SPATC1L: variants seen among roughly 807,000 people sequenced by gnomAD.
SPATC1L encodes the protein spermatogenesis and centriole associated 1 like.
A neutral mutation model predicts 21.2 loss-of-function variants in SPATC1L; 20 were observed. The observed-to-expected ratio is 0.94, with a 90% CI of 0.66 to 1.37. The LOEUF is 1.37. Ranked by LOEUF, SPATC1L falls within the 40% of genes most tolerant of loss-of-function variation. The pLI is 0.00. For synonymous variants in SPATC1L, 290 were observed against 234.5 expected (o/e 1.24, Z -2.16); for missense variants, 499 against 478.7 (o/e 1.04, Z -0.40).
chr21:46,175,534 A>G (rs1388477406), intron 2 of SPATC1L, among the ~76,000 whole-genome samples: 2 of 152,238 alleles, frequency 1.3e-5, no homozygotes, highest in African/African-American at 4.8e-5. Context: ...GAAAACCTCT[A>G]TACACATAAA....
chr21:46,168,629 C>T lies in SPATC1L; in HGVS notation c.223G>A (p.Ala75Thr), dbSNP rs962373317. 7 of 1,409,940 alleles carry T rather than the reference C, an allele frequency of 5.0e-6. No homozygotes were observed. Among genetic ancestry groups the T allele is most frequent in the Admixed American group, 5.5e-5 (2 of 36,078 alleles). The allele number at this position is 1,409,940 out of a possible 1,614,324, so 87.3% of individuals were successfully genotyped here. A position where few individuals can be genotyped will look rare whatever the true frequency, so the allele number is the denominator to read the frequency against. ...GTCTGCAGTTGGGAGGGCGTGTCGG[C>T]AACACTCGTGAACCTTCCGAAATCT... ...VPDFGRFTSVADTPSQLQTSS... is the reference protein window; with the variant it reads ...VPDFGRFTSVTDTPSQLQTSS... The change falls in exon 3 of 5, where the codon GCC becomes ACC. Residue 75 changes from alanine to threonine, a missense_variant. By Grantham distance (58) the Ala-to-Thr change is moderately conservative (BLOSUM62 0). Transcript: ENST00000291672.
intron 3 of SPATC1L, among the ~76,000 whole-genome samples, chr21:46,168,022 G>T (rs780187147): frequency 2.0e-5 from 3 of 152,162 alleles, no homozygotes; most frequent in Admixed American, 1.3e-4. Flanking sequence ...TGGAGTGGGA[G>T]ACCGTATCTG....
chr21:46,169,348 G>A (rs1466364325), intron 2 of SPATC1L, among the ~76,000 whole-genome samples: 8 of 136,604 alleles, frequency 5.9e-5, no homozygotes, highest in African/African-American at 1.9e-4. Context: ...TCTGTGGATG[G>A]GGAGGAGCCC....
chr21:46,168,237 C>A, intron 3 of SPATC1L, 71 bp downstream of exon 3: 1 of 1,085,218 alleles, frequency 9.2e-7, no homozygotes, highest in East Asian at 2.6e-5. Context: ...CCTGACCACC[C>A]AGTCATGCCC....
chr21:46,167,279 G>A (rs1286098430), intron 3 of SPATC1L, among the ~76,000 whole-genome samples: 2 of 152,164 alleles, frequency 1.3e-5, no homozygotes, highest in Admixed American at 6.5e-5. Context: ...TTCAGCAAAA[G>A]CCATACTAAG....
In SPATC1L at chr21:46,161,455, AG is replaced by A; in HGVS notation, c.946del (p.Leu316TrpfsTer?). The part of the protein sequence containing the change: ...LVIDVVPPKF[L>X]GDSLLLLNCL... ...GTTGAGCAGCAGCAGCGAGTCGCCCAGGAACTTGGGGGGCACCACGTCGATG... is the reference window on the plus strand; with the variant it reads ...GTTGAGCAGCAGCAGCGAGTCGCCCAGAACTTGGGGGGCACCACGTCGATG... On this transcript the variant is annotated frameshift_variant, in exon 5 of 5. Transcript: ENST00000291672. LOFTEE classifies it high-confidence loss of function. 1 of 1,592,592 alleles carries A rather than the reference AG, an allele frequency of 6.3e-7. No individual in the cohort carries two copies. Among genetic ancestry groups the A allele is most frequent in the Non-Finnish European group, 8.6e-7 (1 of 1,167,582 alleles).
At chr21:46,162,486 C>T (rs1373233249) in intron 3 of SPATC1L, among the ~76,000 whole-genome samples, 2 of 152,004 alleles carry the variant, frequency 1.3e-5, no homozygotes, top group African/African-American at 4.8e-5. Context: ...GAGAGTTCTT[C>T]TGTCTTGGCA....
rs1449894045 is a variant in SPATC1L at position 46,182,703 on chromosome 21, G to A, written c.114C>T (p.Ser38=). ...NQMLRRLLSQ[S]CQEGGGHDLL... ...GGTCGTGGCCGCCGCCCTCCTGGCA[G>A]CTCTGGCTGAGCAGCCGCCGCAGCA... Residue 38 remains serine (S), a synonymous_variant, in exon 2 of 5, where the codon AGC becomes AGT. Transcript: ENST00000291672. The A allele has an allele frequency of 5.2e-6, 8 of 1,545,354 alleles. No individual in the cohort carries two copies. Among genetic ancestry groups the A allele is most frequent in the Non-Finnish European group, 6.1e-6 (7 of 1,146,606 alleles).
At chr21:46,163,982 G>A (rs997437130) in intron 3 of SPATC1L, among the ~76,000 whole-genome samples, 5 of 152,098 alleles carry the variant, frequency 3.3e-5, no homozygotes, top group African/African-American at 1.2e-4. Flanking sequence ...AACACAAGGT[G>A]TTTTTCTGTT....
At chr21:46,172,244 G>T (rs2079599343) in intron 2 of SPATC1L, among the ~76,000 whole-genome samples, 1 of 149,528 alleles carries the variant, frequency 6.7e-6, no homozygotes, top group African/African-American at 2.5e-5. Context: ...GGGGAGGTGT[G>T]CAGAGCACAA....
chr21:46,168,523 G>A lies in SPATC1L; in HGVS notation c.329C>T (p.Ser110Phe). 3 of 1,541,324 alleles carry A rather than the reference G, an allele frequency of 1.9e-6. No homozygotes were observed. The highest frequency in any genetic ancestry group is 1.2e-5 in the South Asian group (1 of 83,804). ...DDTSPGCAAP[S>F]QAPFKAFLSP... Reference sequence around the variant, plus strand: ...GAGGAAGGCCTTGAAGGGTGCCTGGGAGGGGGCTGCACAGCCCGGGGAGGT... The same window carrying A: ...GAGGAAGGCCTTGAAGGGTGCCTGGAAGGGGGCTGCACAGCCCGGGGAGGT... Residue 110 changes from serine (S) to phenylalanine (F), a missense_variant, in exon 3 of 5, where the codon TCC becomes TTC. Ser to Phe is a radical substitution (Grantham distance 155). Coordinates refer to ENST00000291672, the MANE Select transcript of SPATC1L (RefSeq NM_001142854.2).
At chr21:46,175,338 C>T (rs757895316) in intron 2 of SPATC1L, among the ~76,000 whole-genome samples, 34 of 152,006 alleles carry the variant, frequency 2.2e-4, no homozygotes, top group African/African-American at 7.0e-4. Context: ...GATTGAGACA[C>T]AAAATACTAT....
chr21:46,164,661 G>A (rs940354105), intron 3 of SPATC1L, among the ~76,000 whole-genome samples: 13 of 151,784 alleles, frequency 8.6e-5, no homozygotes, highest in East Asian at 1.9e-4. Context: ...GCATGGTGGC[G>A]GGTGCCTGTA....
rs1420608990 is a variant in SPATC1L at position 46,183,457 on chromosome 21, C to T, written c.-641G>A. 1 of 168,678 alleles carries T rather than the reference C, an allele frequency of 5.9e-6. No homozygotes were observed. Among genetic ancestry groups the T allele is most frequent in the African/African-American group, 2.4e-5 (1 of 40,898 alleles). 10.4% of individuals were successfully genotyped at this position (168,678 alleles called of 1,614,324 possible). A position where few individuals can be genotyped will look rare whatever the true frequency, so the allele number is the denominator to read the frequency against. ...GGGGAGACCAGCTTGTGGGGGAGAC[C>T]AGTCTGCGGGGGAGACCAGCCTGGG... is the stretch of plus-strand genomic sequence containing the variant. On this transcript the variant is annotated 5_prime_UTR_variant, in exon 2 of 5. Coordinates refer to ENST00000291672, the MANE Select transcript of SPATC1L (RefSeq NM_001142854.2).
intron 2 of SPATC1L, among the ~76,000 whole-genome samples, chr21:46,173,904 G>A (rs958252953): frequency 3.3e-5 from 5 of 152,118 alleles, no homozygotes; most frequent in African/African-American, 1.2e-4. Context: ...CAAAGTCAGG[G>A]CCCAAAACAA....
At chr21:46,177,601 A>G (rs1471558394) in intron 2 of SPATC1L, among the ~76,000 whole-genome samples, 1 of 152,206 alleles carries the variant, frequency 6.6e-6, no homozygotes, top group African/African-American at 2.4e-5. Context: ...AAGTCAAAAA[A>G]CAACAGATGC....
At chr21:46,176,675 A>T (rs2079635512) in intron 2 of SPATC1L, among the ~76,000 whole-genome samples, 1 of 152,242 alleles carries the variant, frequency 6.6e-6, no homozygotes, top group Non-Finnish European at 1.5e-5. Flanking sequence ...GCATAGGAAG[A>T]ATCAATATCA....
At chr21:46,172,213 G>C (rs1371561869) in intron 2 of SPATC1L, among the ~76,000 whole-genome samples, 1 of 150,020 alleles carries the variant, frequency 6.7e-6, no homozygotes, top group Admixed American at 6.7e-5. Flanking sequence ...CGTGAGGCGG[G>C]GGTTGTGCAG....
intron 3 of SPATC1L, among the ~76,000 whole-genome samples, chr21:46,166,597 T>C (rs962534809): frequency 7.0e-6 from 1 of 143,368 alleles, no homozygotes; most frequent in African/African-American, 2.4e-5. Flanking sequence ...GGATATTCCA[T>C]GCAAATGAGA....
Sources: gnomAD v4.1 joint callset for allele counts (sites outside exome capture counted in the v4.1 genomes callset) on GRCh38, gnomAD v4.1.1 for gene constraint, MANE v1.5 for transcripts, NCBI Gene and HGNC (gene_info 2026-07-23, HGNC 2026-07-21) for gene names.